Variants in SYK observed in about 807,000 individuals in gnomAD.
The protein encoded by SYK is tyrosine-protein kinase SYK.
SYK carries 16 observed loss-of-function variants against 77.8 expected under a neutral mutation model. The observed-to-expected ratio is 0.21, with a 90% CI of 0.14 to 0.31. The LOEUF is 0.31. SYK is among the 10% of genes least tolerant of loss of function. SYK has a pLI of 1.00. For synonymous variants in SYK, 312 were observed against 308.7 expected (o/e 1.01, Z -0.11); for missense variants, 529 against 814.4 (o/e 0.65, Z 4.26).
intron 9 of SYK, among the ~76,000 whole-genome samples, chr9:90,875,831 A>G (rs1403004971): frequency 6.6e-6 from 1 of 152,150 alleles, no homozygotes; most frequent in Admixed American, 6.5e-5. Context: ...CCTTTGAAAT[A>G]CACCCTCTGT....
chr9:90,808,743 G>A (rs1404116552), intron 1 of SYK, among the ~76,000 whole-genome samples: 4 of 151,952 alleles, frequency 2.6e-5, no homozygotes, highest in Non-Finnish European at 5.9e-5. Flanking sequence ...TTGTCCTCCC[G>A]CTCCTCCCTG....
intron 1 of SYK, among the ~76,000 whole-genome samples, chr9:90,809,157 G>A (rs775583211): frequency 1.2e-4 from 18 of 152,176 alleles, no homozygotes; most frequent in Non-Finnish European, 2.6e-4. Context: ...AGGCCTTGGC[G>A]TTAGGTTCCC....
At chr9:90,859,336 G>A (rs1417957030) in intron 3 of SYK, among the ~76,000 whole-genome samples, 1 of 152,140 alleles carries the variant, frequency 6.6e-6, no homozygotes, top group Non-Finnish European at 1.5e-5. Context: ...CCACCTAGGT[G>A]TACATCACTA....
intron 7 of SYK, among the ~76,000 whole-genome samples, chr9:90,867,444 T>C (rs77421323): frequency 0.013 from 1,946 of 152,330 alleles, 38 homozygotes; most frequent in African/African-American, 0.044. Flanking sequence ...ATGCTTTCTG[T>C]GCTCAAGCGT....
chr9:90,832,596 T>C (rs1825934873), intron 1 of SYK, among the ~76,000 whole-genome samples: 1 of 152,228 alleles, frequency 6.6e-6, no homozygotes. Context: ...ACCTCTTCAA[T>C]ACCAGAAAGT....
chr9:90,877,503 A>G (rs1827985402), intron 9 of SYK, 68 bp from the exon 10 acceptor site: 6 of 1,545,728 alleles, frequency 3.9e-6, no homozygotes, highest in Non-Finnish European at 4.4e-6. Flanking sequence ...ATTATGCTTC[A>G]CAGGATAAGA....
Position 90,845,429 on chromosome 9 carries a change from G to C in SYK, c.418-5G>C. 8.1e-6 allele frequency: 13 copies of C among 1,612,682 alleles called. No individual in the cohort carries two copies. Among genetic ancestry groups the C allele is most frequent in the Non-Finnish European group, 1.1e-5 (13 of 1,179,550 alleles). On this transcript the variant is annotated splice_polypyrimidine_tract_variant and splice_region_variant and intron_variant, in intron 2 of 13. Coordinates refer to ENST00000375754, the MANE Select transcript of SYK (RefSeq NM_003177.7). Reference sequence around the variant, plus strand: ...GTTTACTCTGCTTTGCTCTCCATGTGGCAGGGTCAGGCTCTGGAGCAGGCC... The same window carrying C: ...GTTTACTCTGCTTTGCTCTCCATGTCGCAGGGTCAGGCTCTGGAGCAGGCC...
At chr9:90,822,431 C>T (rs554709559) in intron 1 of SYK, among the ~76,000 whole-genome samples, 7 of 152,280 alleles carry the variant, frequency 4.6e-5, no homozygotes, top group East Asian at 3.9e-4. Context: ...TGTGATATTT[C>T]GTTTAAACTT....
intron 1 of SYK, among the ~76,000 whole-genome samples, chr9:90,823,154 C>T (rs1408085327): frequency 7.9e-5 from 12 of 152,136 alleles, no homozygotes; most frequent in Non-Finnish European, 1.8e-4. Flanking sequence ...CAGGGGTCAG[C>T]GCTTCAAGGA....
intron 1 of SYK, among the ~76,000 whole-genome samples, chr9:90,819,972 T>A (rs1179112721): frequency 6.6e-6 from 1 of 152,102 alleles, no homozygotes; most frequent in South Asian, 2.1e-4. Context: ...CTGGGAGAAA[T>A]TGTCCAAAAC....
chr9:90,893,672 T>TCCTGG (rs1160971289), intron 13 of SYK, among the ~76,000 whole-genome samples: 1 of 152,190 alleles, frequency 6.6e-6, no homozygotes, highest in African/African-American at 2.4e-5. Context: ...TATCTCTTTA[T>TCCTGG]ATAAAATCAC....
At position 90,896,798 on chromosome 9, in the gene SYK, G is replaced by A. The variant is rs200678129; in HGVS notation, c.*1198G>A. On this transcript the variant is annotated 3_prime_UTR_variant, in exon 14 of 14. Transcript: ENST00000375754. ...TCTCAGCACTTTAGGAGGCCGAGGC[G>A]GGTGGATCACTTGAGGTAAGGAGTT... is the stretch of plus-strand genomic sequence containing the variant. 30 of 218,854 alleles carry A rather than the reference G, an allele frequency of 1.4e-4. No individual in the cohort carries two copies. The highest frequency in any genetic ancestry group is 5.2e-4 in the African/African-American group (23 of 44,570). The allele number at this position is 218,854 out of a possible 1,614,324, so 13.6% of individuals were successfully genotyped here.
At chr9:90,894,033 G>A (rs961941744) in intron 13 of SYK, among the ~76,000 whole-genome samples, 2 of 152,224 alleles carry the variant, frequency 1.3e-5, no homozygotes, top group African/African-American at 4.8e-5. Context: ...ACCTGACCAG[G>A]TGTTTTTCCT....
Position 90,898,226 on chromosome 9 carries a change from A to C in SYK, c.*2626A>C, listed in dbSNP as rs997144165. On this transcript the variant is annotated 3_prime_UTR_variant, in exon 14 of 14. Transcript: ENST00000375754. ...TCCCCCAGCAGGGCCGACAGTTTCT[A>C]TCACAGAAAACAGTGTGTTCAGTGG... 3.0e-5 allele frequency: 7 copies of C among 231,200 alleles called. No individual in the cohort carries two copies. The highest frequency in any genetic ancestry group is 1.5e-4 in the African/African-American group (7 of 45,234). The allele number at this position is 231,200 out of a possible 1,614,324, so 14.3% of individuals were successfully genotyped here. A position where few individuals can be genotyped will look rare whatever the true frequency, so the allele number is the denominator to read the frequency against.
chr9:90,870,865 T>C (rs2780709), intron 7 of SYK, among the ~76,000 whole-genome samples: 20,763 of 152,238 alleles, frequency 0.14, 1,570 homozygotes, highest in East Asian at 0.3. Context: ...GTTGCCTAAT[T>C]TGAAAATGGC....
chr9:90,833,338 C>T (rs374302296), intron 1 of SYK, among the ~76,000 whole-genome samples: 7 of 152,200 alleles, frequency 4.6e-5, no homozygotes, highest in Admixed American at 6.5e-5. Context: ...AAAATGTAAA[C>T]GTACTTACAC....
intron 6 of SYK, 107 bp downstream of exon 6, chr9:90,865,204 C>T (rs985872665): frequency 9.0e-7 from 1 of 1,108,892 alleles, no homozygotes; most frequent in Admixed American, 1.8e-5. Context: ...TTTGATTGCG[C>T]TTCAAAACAT....
chr9:90,824,393 G>T (rs1227787958), intron 1 of SYK, among the ~76,000 whole-genome samples: 4 of 152,058 alleles, frequency 2.6e-5, no homozygotes, highest in Non-Finnish European at 5.9e-5. Flanking sequence ...TATGAGTTCA[G>T]ATTTCACGTA....
In SYK at chr9:90,895,443, G is replaced by T. The variant is rs568227782; in HGVS notation, c.1836-85G>T. The T allele has an allele frequency of 7.9e-4, 1,123 of 1,418,032 alleles. 3 individuals are homozygous for T. The highest frequency in any genetic ancestry group is 3.6e-3 in the Admixed American group (216 of 59,250). The allele number at this position is 1,418,032 out of a possible 1,614,324, so 87.8% of individuals were successfully genotyped here. On this transcript the variant is annotated intron_variant, in intron 13 of 13. Transcript: ENST00000375754. The surrounding 1 kb of genome is among the most constrained non-coding windows in gnomAD (Gnocchi z 4.4). ...TAGCCACCAGGGAGCAGCACCACTG[G>T]TACTCAGCCTGCAGAGGCCCTGCTT...
Sources: gnomAD v4.1 joint callset for allele counts (sites outside exome capture counted in the v4.1 genomes callset) on GRCh38, gnomAD v4.1.1 for gene constraint, Gnocchi (gnomAD v3.1) non-coding constraint, MANE v1.5 for transcripts, NCBI Gene and HGNC (gene_info 2026-07-23, HGNC 2026-07-21) for gene names.